Variants in KDM4C observed in about 807,000 individuals in gnomAD.
The protein encoded by KDM4C is lysine-specific demethylase 4C.
Under a neutral mutation model 129.3 loss-of-function variants are expected in KDM4C, and 81 were observed. The ratio of observed to expected loss-of-function variants is 0.63; its 90% CI spans 0.52 to 0.75. The LOEUF (loss-of-function observed/expected upper bound fraction) is 0.75. Ranked by LOEUF, KDM4C falls within the 30% of genes least tolerant of loss-of-function variation. The probability of loss-of-function intolerance (pLI) is 0.00; values close to 1 mark genes in which losing one functional copy is unlikely to be tolerated. For synonymous variants in KDM4C, 573 were observed against 456.1 expected, an observed-to-expected ratio of 1.26 and a Z score of -3.26; for missense variants, 1,457 against 1,304.0, an observed-to-expected ratio of 1.12 and a Z score of -1.81.
chr9:6,788,804 G>A (rs1218901010), intron 1 of KDM4C, among the ~76,000 whole-genome samples: 14 of 152,156 alleles, frequency 9.2e-5, no homozygotes, highest in Admixed American at 9.2e-4. Context: ...TTGGGAACAC[G>A]GTGATGGGTC....
At chr9:6,846,218 G>C (rs1006421133) in intron 4 of KDM4C, among the ~76,000 whole-genome samples, 5 of 152,194 alleles carry the variant, frequency 3.3e-5, no homozygotes, top group Non-Finnish European at 5.9e-5. Flanking sequence ...CTTTAAAAGG[G>C]AAGGTCCAGG....
intron 20 of KDM4C, among the ~76,000 whole-genome samples, chr9:7,167,097 A>G (rs1844466504): frequency 6.6e-6 from 1 of 152,190 alleles, no homozygotes; most frequent in Non-Finnish European, 1.5e-5. Flanking sequence ...TACAAAATAG[A>G]TGTTATTGAC....
intron 20 of KDM4C, 133 bp from the exon 21 acceptor site, chr9:7,169,664 TC>T: frequency 1.5e-6 from 1 of 680,876 alleles, no homozygotes; most frequent in East Asian, 2.8e-5. Context: ...TCTTCTTACT[TC>T]CTTGGTTGTT....
intron 4 of KDM4C, among the ~76,000 whole-genome samples, chr9:6,845,978 G>C (rs1442198205): frequency 6.6e-6 from 1 of 152,224 alleles, no homozygotes; most frequent in Non-Finnish European, 1.5e-5. Context: ...TGTAGCTGGG[G>C]TTTGGAGACT....
At chr9:7,056,606 T>G (rs1244423337) in intron 17 of KDM4C, among the ~76,000 whole-genome samples, 1 of 152,230 alleles carries the variant, frequency 6.6e-6, no homozygotes, top group Non-Finnish European at 1.5e-5. Flanking sequence ...TTTCTTTATC[T>G]GTTGAGAGAA....
chr9:6,990,283 G>T (rs73639448), intron 11 of KDM4C, 133 bp from the exon 12 acceptor site: 1 of 664,390 alleles, frequency 1.5e-6, no homozygotes, highest in East Asian at 2.8e-5. Flanking sequence ...TAAAGGACTA[G>T]TTCCCCAAGA....
intron 5 of KDM4C, among the ~76,000 whole-genome samples, chr9:6,859,916 T>C (rs375055937): frequency 2.5e-4 from 38 of 151,928 alleles, no homozygotes; most frequent in East Asian, 5.8e-4. Context: ...AAGGTTTATC[T>C]AGTTATTAAT....
chr9:6,933,918 T>C (rs1824222676), intron 8 of KDM4C, among the ~76,000 whole-genome samples: 1 of 151,946 alleles, frequency 6.6e-6, no homozygotes, highest in African/African-American at 2.4e-5. Flanking sequence ...GGTGTGATCT[T>C]GGCTCATGAC....
chr9:6,827,020 TG>T (rs1242663631), intron 4 of KDM4C, among the ~76,000 whole-genome samples: 1 of 152,166 alleles, frequency 6.6e-6, no homozygotes, highest in Non-Finnish European at 1.5e-5. Context: ...TTGGTCAGTG[TG>T]GGGCAGGGCA....
intron 5 of KDM4C, among the ~76,000 whole-genome samples, chr9:6,866,904 CATATATATATATATATAT>C (rs141311036): frequency 7.6e-6 from 1 of 131,088 alleles, no homozygotes; most frequent in Admixed American, 7.8e-5. Context: ...TATATATATA[CATATATATATATATATAT>C]AGAAAAATGT....
chr9:6,793,310 A>G (rs950690698), intron 2 of KDM4C, among the ~76,000 whole-genome samples, 178 bp downstream of exon 2: 1 of 152,054 alleles, frequency 6.6e-6, no homozygotes, highest in Admixed American at 6.5e-5. Flanking sequence ...TTTTCCTTCA[A>G]GTATAACTAT....
chr9:7,088,840 A>G (rs927221130), intron 17 of KDM4C, among the ~76,000 whole-genome samples: 16 of 151,232 alleles, frequency 1.1e-4, no homozygotes, highest in African/African-American at 3.4e-4. Flanking sequence ...GTTATTTTGG[A>G]AAAAAAAGAA....
chr9:6,901,069 A>T (rs1310092580), intron 8 of KDM4C, among the ~76,000 whole-genome samples: 1 of 152,008 alleles, frequency 6.6e-6, no homozygotes, highest in Non-Finnish European at 1.5e-5. Context: ...GCTCTATTCT[A>T]GACATGGTGA....
chr9:7,080,485 T>C (rs1219865766), intron 17 of KDM4C, among the ~76,000 whole-genome samples: 1 of 152,208 alleles, frequency 6.6e-6, no homozygotes. Context: ...TTGTTTCTCT[T>C]AGAATTCAGA....
At chr9:7,115,485 C>G (rs1838796053) in intron 18 of KDM4C, among the ~76,000 whole-genome samples, 1 of 152,130 alleles carries the variant, frequency 6.6e-6, no homozygotes, top group Non-Finnish European at 1.5e-5. Context: ...CACACAACAG[C>G]AAAGGGTATT....
intron 4 of KDM4C, among the ~76,000 whole-genome samples, chr9:6,823,566 C>A (rs1202035992): frequency 6.6e-6 from 1 of 152,168 alleles, no homozygotes; most frequent in Non-Finnish European, 1.5e-5. Context: ...CCATTTTGCA[C>A]TTGCTTTGAA....
chr9:7,168,685 C>G (rs997568526), intron 20 of KDM4C, among the ~76,000 whole-genome samples: 1 of 152,128 alleles, frequency 6.6e-6, no homozygotes, highest in African/African-American at 2.4e-5. Context: ...CCTTTGATGG[C>G]ATTTGATTGA....
chr9:7,137,051 G>A lies in KDM4C; in HGVS notation c.2781+8815G>A, dbSNP rs142060768. Reference sequence around the variant, plus strand: ...ATAGATATGTGAACTTTCTTTAAACGAGGAGATCTCTGGCCCTGAAAAACT... The same window carrying A: ...ATAGATATGTGAACTTTCTTTAAACAAGGAGATCTCTGGCCCTGAAAAACT... On this transcript the variant is annotated intron_variant, in intron 19 of 21. Transcript: ENST00000381309. 2.4e-3 allele frequency among the ~76,000 whole-genome samples: 370 copies of A among 152,202 alleles called. 4 individuals carry two copies. The highest frequency in any genetic ancestry group is 8.3e-3 in the African/African-American group (345 of 41,524).
chr9:6,795,778 C>G (rs1288987086), intron 2 of KDM4C, among the ~76,000 whole-genome samples: 2 of 151,504 alleles, frequency 1.3e-5, no homozygotes, highest in Non-Finnish European at 2.9e-5. Context: ...TTCAAGCGAT[C>G]CCCCTCCCTC....
Sources: gnomAD v4.1 joint callset for allele counts (sites outside exome capture counted in the v4.1 genomes callset) on GRCh38, gnomAD v4.1.1 for gene constraint, MANE v1.5 for transcripts, NCBI Gene and HGNC (gene_info 2026-07-23, HGNC 2026-07-21) for gene names.